Variants in MAVS observed in about 807,000 individuals in gnomAD.
MAVS encodes mitochondrial antiviral-signaling protein.
Under a neutral mutation model 30.2 loss-of-function variants are expected in MAVS, and 20 were observed. That is an observed-to-expected ratio of 0.66 (90% CI 0.47 to 0.96). The LOEUF (loss-of-function observed/expected upper bound fraction) is 0.96. MAVS is among the 40% of genes least tolerant of loss of function. The pLI is 0.00. For missense variants in MAVS, 624 were observed against 701.1 expected, an observed-to-expected ratio of 0.89 and a Z score of 1.24; for synonymous variants, 278 against 293.9, an observed-to-expected ratio of 0.95 and a Z score of 0.55.
At chr20:3,853,720 C>A (rs1432748155) in intron 1 of MAVS, among the ~76,000 whole-genome samples, 3 of 151,910 alleles carry the variant, frequency 2.0e-5, no homozygotes, top group African/African-American at 7.3e-5. Flanking sequence ...CTTGAGCCCA[C>A]GAGTTCGAGG....
chr20:3,859,463 G>A (rs2089844737), intron 3 of MAVS, among the ~76,000 whole-genome samples: 1 of 150,380 alleles, frequency 6.6e-6, no homozygotes, highest in Admixed American at 6.6e-5. Flanking sequence ...AGCCGAGATT[G>A]CGCCACTGCA....
intron 1 of MAVS, among the ~76,000 whole-genome samples, chr20:3,853,349 G>A (rs925657276): frequency 4.5e-4 from 68 of 151,358 alleles, no homozygotes; most frequent in African/African-American, 1.4e-3. Flanking sequence ...AGCCGGGCGT[G>A]GTGGCGGGCG....
intron 1 of MAVS, among the ~76,000 whole-genome samples, chr20:3,853,480 C>T (rs1235994610): frequency 1.5e-5 from 2 of 136,166 alleles, no homozygotes; most frequent in African/African-American, 2.8e-5. Flanking sequence ...AGAAAGACTC[C>T]GTCTCAAAAA....
intron 1 of MAVS, among the ~76,000 whole-genome samples, chr20:3,848,385 C>T (rs1316902765): frequency 3.3e-5 from 5 of 152,168 alleles, no homozygotes; most frequent in Admixed American, 6.5e-5. Flanking sequence ...AGGCGTGAGC[C>T]ACCGCGCCCG....
intron 1 of MAVS, among the ~76,000 whole-genome samples, chr20:3,849,470 G>A (rs1191218686): frequency 6.6e-6 from 1 of 152,194 alleles, no homozygotes; most frequent in Non-Finnish European, 1.5e-5. Flanking sequence ...CTCCCAAAGT[G>A]CTGGGATTAT....
chr20:3,865,294 C>T lies in MAVS; in HGVS notation c.1159-389C>T, dbSNP rs950989395. ...CAAGCCTCACATCTAACCCTAGCTG[C>T]GGCTGTCTGCTGGGAAGAGCCAAGT... On this transcript the variant is annotated intron_variant, in intron 6 of 6. Coordinates refer to ENST00000428216, the MANE Select transcript of MAVS (RefSeq NM_020746.5). The surrounding 1 kb of genome is among the most constrained non-coding windows in gnomAD (Gnocchi z 4.7). Among the ~76,000 whole-genome samples the T allele has an allele frequency of 1.2e-4, 18 of 152,146 alleles. No homozygotes were observed. The highest frequency in any genetic ancestry group is 2.6e-4 in the Non-Finnish European group (18 of 68,020).
chr20:3,871,203 G>A lies in MAVS; in HGVS notation c.*5056G>A, dbSNP rs574907362. On this transcript the variant is annotated 3_prime_UTR_variant, in exon 7 of 7. Coordinates refer to ENST00000428216, the MANE Select transcript of MAVS (RefSeq NM_020746.5). ...GCCACTGTACAGGTTATTTATAGAA[G>A]TTGGAGAGTGAAGGGTTGAGAAAGC... The A allele has an allele frequency of 3.2e-5, 5 of 154,062 alleles. No homozygotes were observed. Among genetic ancestry groups the A allele is most frequent in the Admixed American group, 1.3e-4 (2 of 15,284 alleles). The allele number at this position is 154,062 out of a possible 1,614,324, so 9.5% of individuals were successfully genotyped here.
Position 3,862,286 on chromosome 20 carries a change from C to T in MAVS, c.498C>T (p.Pro166=). ...NSEQALQTLS[P]RAIPRNPDGG... ...AGCAAGCCCTGCAGACGCTCAGCCCCAGAGCCATCCCAAGGAATCCAGATG... is the reference window on the plus strand; with the variant it reads ...AGCAAGCCCTGCAGACGCTCAGCCCTAGAGCCATCCCAAGGAATCCAGATG... The change falls in exon 5 of 7, where the codon CCC becomes CCT. Residue 166 remains proline (P), a synonymous_variant. Transcript: ENST00000428216. 6.2e-7 allele frequency: 1 copy of T among 1,614,128 alleles called. No homozygotes were observed.
chr20:3,864,828 C>A, intron 6 of MAVS, 40 bp downstream of exon 6: 2 of 1,593,394 alleles, frequency 1.3e-6, no homozygotes, highest in Non-Finnish European at 1.7e-6. Flanking sequence ...CTGGCCCCTT[C>A]CCCCGGGACA....
chr20:3,865,625 A>T lies in MAVS; in HGVS notation c.1159-58A>T. 6.8e-7 allele frequency: 1 copy of T among 1,475,090 alleles called. No homozygotes were observed. Among genetic ancestry groups the T allele is most frequent in the Non-Finnish European group, 9.1e-7 (1 of 1,097,354 alleles). 91.4% of individuals were successfully genotyped at this position (1,475,090 alleles called of 1,614,324 possible). On this transcript the variant is annotated intron_variant, in intron 6 of 6. Coordinates refer to ENST00000428216, the MANE Select transcript of MAVS (RefSeq NM_020746.5). This position sits in a 1 kb window ranked among gnomAD's most constrained non-coding sequence, Gnocchi z 4.7. Reference sequence around the variant, plus strand: ...CCTGGCCTGGGAATGGGACCGCCCTACCAGGTTCGTCTCCCTGCCAACCCC... The same window carrying T: ...CCTGGCCTGGGAATGGGACCGCCCTTCCAGGTTCGTCTCCCTGCCAACCCC...
rs1395195443 is a variant in MAVS at position 3,876,097 on chromosome 20, TCTG to T, written c.*9953_*9955del. On this transcript the variant is annotated 3_prime_UTR_variant, in exon 7 of 7. Transcript: ENST00000428216. ...CCCGTGGACACTTCTGTACAATAAA[TCTG>T]CTATTATTACTTCTAGAACTACAGT... 8 of 152,272 alleles carry T rather than the reference TCTG, an allele frequency of 5.3e-5. No individual in the cohort carries two copies. Among genetic ancestry groups the T allele is most frequent in the Admixed American group, 3.3e-4 (5 of 15,258 alleles). 9.4% of individuals were successfully genotyped at this position (152,272 alleles called of 1,614,324 possible).
In MAVS at chr20:3,875,558, G is replaced by A. The variant is rs2089985318; in HGVS notation, c.*9411G>A. The stretch of plus-strand genomic sequence containing the variant: ...TGTAAAAGGCAGTGAAAGGCACAAG[G>A]GAGGTGGAGGGGTAGGAAGGGTGGA... On this transcript the variant is annotated 3_prime_UTR_variant, in exon 7 of 7. Coordinates refer to ENST00000428216, the MANE Select transcript of MAVS (RefSeq NM_020746.5). 6.6e-6 allele frequency: 1 copy of A among 152,226 alleles called. No individual in the cohort carries two copies. Among genetic ancestry groups the A allele is most frequent in the African/African-American group, 2.4e-5 (1 of 41,380 alleles). The allele number at this position is 152,226 out of a possible 1,614,324, so 9.4% of individuals were successfully genotyped here.
In MAVS at chr20:3,865,717, C is replaced by T. The variant is rs1222481631; in HGVS notation, c.1193C>T (p.Thr398Ile). ...GCAGCTCCAACACCCGCCGGCGCCA[C>T]TGGAGGCAGCTCAGCCTGGCTAGAC... Reference protein sequence around the residue: ...TPAAPTPAGATGGSSAWLDSS... With the variant: ...TPAAPTPAGAIGGSSAWLDSS... Residue 398 changes from threonine to isoleucine, a missense_variant, in exon 7 of 7, where the codon ACT becomes ATT. Transcript: ENST00000428216. This position sits in a 1 kb window ranked among gnomAD's most constrained non-coding sequence, Gnocchi z 4.7. 2 of 1,611,720 alleles carry T rather than the reference C, an allele frequency of 1.2e-6. No individual in the cohort carries two copies. Among genetic ancestry groups the T allele is most frequent in the East Asian group, 2.2e-5 (1 of 44,834 alleles).
At chr20:3,847,222 C>T (rs766175150) in intron 1 of MAVS, among the ~76,000 whole-genome samples, 2 of 152,154 alleles carry the variant, frequency 1.3e-5, no homozygotes, top group African/African-American at 2.4e-5. Flanking sequence ...CTCCTGCCGC[C>T]CGCGGGCCCA....
rs142615910 is a variant in MAVS, at chr20:3,866,055, C to T, written c.1531C>T (p.Pro511Ser). The T allele has an allele frequency of 6.8e-6, 11 of 1,612,308 alleles. No homozygotes were observed. In the African/African-American group the frequency reaches 1.5e-4, roughly 22 times the overall value. The change falls in exon 7 of 7, where the codon CCC (proline) becomes TCC (serine). Residue 511 changes from proline (P) to serine (S), a missense_variant. Pro to Ser is a moderately conservative substitution (Grantham distance 74). Coordinates refer to ENST00000428216, the MANE Select transcript of MAVS (RefSeq NM_020746.5). ...FQEREVPCHR[P>S]SPGALWLQVA... ...GGAGAGGGAGGTGCCATGCCACAGG[C>T]CCTCACCTGGGGCTCTGTGGCTCCA...
At chr20:3,854,891 C>CTT (rs61256246) in intron 2 of MAVS, 150 bp downstream of exon 2, 44,859 of 300,596 alleles carry the variant, frequency 0.15, 3,743 homozygotes, top group African/African-American at 0.36. Context: ...TGCTGCTTTT[C>CTT]TTTTTTTTTT....
At position 3,848,688 on chromosome 20, in the gene MAVS, C is replaced by T. The variant is rs540574211; in HGVS notation, c.-68+1785C>T. On this transcript the variant is annotated intron_variant, in intron 1 of 6. Transcript: ENST00000428216. Reference sequence around the variant, plus strand: ...AGGTCTCATGCCTGCCTGATGCCCACTTGGTCCTCTCCTGCCTCCTTCCCT... The same window carrying T: ...AGGTCTCATGCCTGCCTGATGCCCATTTGGTCCTCTCCTGCCTCCTTCCCT... 2.6e-5 allele frequency among the ~76,000 whole-genome samples: 4 copies of T among 152,308 alleles called. No homozygotes were observed. The East Asian group carries it at 5.8e-4, about 22-fold the overall frequency.
Position 3,865,722 on chromosome 20 carries a change from G to A in MAVS, c.1198G>A (p.Gly400Ser). The change falls in exon 7 of 7, where the codon GGC (glycine) becomes AGC (serine). Residue 400 changes from glycine (G) to serine (S), a missense_variant. Gly to Ser is a moderately conservative substitution (Grantham distance 56, BLOSUM62 0). Transcript: ENST00000428216. This position sits in a 1 kb window ranked among gnomAD's most constrained non-coding sequence, Gnocchi z 4.7. ...TCCAACACCCGCCGGCGCCACTGGA[G>A]GCAGCTCAGCCTGGCTAGACAGCAG... ...AAPTPAGATG[G>S]SSAWLDSSSE... 6.2e-7 allele frequency: 1 copy of A among 1,612,252 alleles called. No individual in the cohort carries two copies. Among genetic ancestry groups the A allele is most frequent in the Middle Eastern group, 1.7e-4 (1 of 5,896 alleles).
Position 3,864,728 on chromosome 20 carries a change from C to T in MAVS, c.1098C>T (p.Ser366=), listed in dbSNP as rs757955256. 2 of 1,614,248 alleles carry T rather than the reference C, an allele frequency of 1.2e-6. No individual in the cohort carries two copies. Among genetic ancestry groups the T allele is most frequent in the South Asian group, 2.2e-5 (2 of 91,092 alleles). ...AGMVPSKVPT[S]MVLTKVSAST... is the part of the protein sequence containing the mutation. ...TGGTGCCATCCAAAGTGCCTACTAG[C>T]ATGGTGCTCACCAAGGTGTCTGCCA... The change falls in exon 6 of 7, where the codon AGC becomes AGT. Residue 366 remains serine, a synonymous_variant. Transcript: ENST00000428216.
Sources: gnomAD v4.1 joint callset for allele counts (sites outside exome capture counted in the v4.1 genomes callset) on GRCh38, gnomAD v4.1.1 for gene constraint, Gnocchi (gnomAD v3.1) non-coding constraint, MANE v1.5 for transcripts, NCBI Gene and HGNC (gene_info 2026-07-23, HGNC 2026-07-21) for gene names.